Variants in RBPJ observed in about 807,000 individuals in gnomAD.
RBPJ encodes recombination signal binding protein for immunoglobulin kappa J region.
RBPJ carries 9 observed loss-of-function variants against 67.8 expected under a neutral mutation model. The ratio of observed to expected loss-of-function variants is 0.13; its 90% CI spans 0.08 to 0.23. The LOEUF (loss-of-function observed/expected upper bound fraction) is 0.23. RBPJ is among the 10% of genes least tolerant of loss of function. The pLI, the probability that RBPJ is intolerant of heterozygous loss-of-function variation, is 1.00. For synonymous variants in RBPJ, 198 were observed against 203.3 expected (o/e 0.97, Z 0.22); for missense variants, 305 against 595.6 (o/e 0.51, Z 5.08).
rs1400701304 is a variant in RBPJ, at chr4:26,434,667, A to T, written c.*3660A>T. 1 of 152,188 alleles carries T rather than the reference A, an allele frequency of 6.6e-6. No individual in the cohort carries two copies. The highest frequency in any genetic ancestry group is 1.5e-5 in the Non-Finnish European group (1 of 68,032). The allele number at this position is 152,188 out of a possible 1,614,324, so 9.4% of individuals were successfully genotyped here. On this transcript the variant is annotated 3_prime_UTR_variant, in exon 11 of 11. Transcript: ENST00000355476. ...AGCATTCAGTACTGTGTTGGTCCAG[A>T]TGTAGGTTTATATGCTCATTTTTAG... is the stretch of plus-strand genomic sequence containing the variant.
intron 1 of RBPJ, among the ~76,000 whole-genome samples, chr4:26,227,143 C>T (rs1040014672): frequency 6.6e-6 from 1 of 152,170 alleles, no homozygotes; most frequent in Admixed American, 6.5e-5. Flanking sequence ...GGGTTGGATC[C>T]AGCATGATTG....
chr4:26,214,345 AAG>A, intron 1 of RBPJ, among the ~76,000 whole-genome samples: 1 of 134,620 alleles, frequency 7.4e-6, no homozygotes, highest in Non-Finnish European at 1.6e-5. Context: ...AAAGAAAGAA[AAG>A]GAAGAGAAAG....
intron 1 of RBPJ, among the ~76,000 whole-genome samples, chr4:26,219,794 G>C (rs1718839922): frequency 6.7e-6 from 1 of 150,092 alleles, no homozygotes; most frequent in Non-Finnish European, 1.5e-5. Flanking sequence ...GTTTTTTTTT[G>C]AGACGGAGTC....
rs1418530484 is a variant in RBPJ at position 26,264,172 on chromosome 4, G to A, written c.-166-98274G>A. Among the ~76,000 whole-genome samples, 3 of 152,034 alleles carry A rather than the reference G, an allele frequency of 2.0e-5. No individual in the cohort carries two copies. The highest frequency in any genetic ancestry group is 2.9e-5 in the Non-Finnish European group (2 of 67,950). ...TGCTGGGATTACAGGCGTGAGCCAC[G>A]GCGCCTGGCAGACAGATTCATTTGT... On this transcript the variant is annotated intron_variant, in intron 1 of 4. Coordinates refer to the RBPJ transcript ENST00000512351. This position sits in a 1 kb window ranked among gnomAD's most constrained non-coding sequence, Gnocchi z 4.1.
chr4:26,413,876 T>TA (rs993428352), intron 3 of RBPJ, among the ~76,000 whole-genome samples: 7 of 152,098 alleles, frequency 4.6e-5, no homozygotes, highest in Non-Finnish European at 8.8e-5. Flanking sequence ...TTGCCAAATT[T>TA]AAAAAAACAG....
intron 1 of RBPJ, among the ~76,000 whole-genome samples, chr4:26,168,333 G>A (rs1386763241): frequency 6.6e-6 from 1 of 151,954 alleles, no homozygotes; most frequent in Non-Finnish European, 1.5e-5. Context: ...CACTTATGAA[G>A]CTTAGTTTGG....
chr4:26,368,196 A>G (rs1242842698), intron 1 of RBPJ: 1 of 152,210 alleles, frequency 6.6e-6, no homozygotes, highest in African/African-American at 2.4e-5. Context: ...GCAGGCATAC[A>G]TCTTTAGTGG....
intron 1 of RBPJ, among the ~76,000 whole-genome samples, chr4:26,380,909 A>G (rs1227694876): frequency 6.6e-6 from 1 of 151,362 alleles, no homozygotes; most frequent in Non-Finnish European, 1.5e-5. Flanking sequence ...TCACAACCCA[A>G]GGGCAAGTAG....
chr4:26,230,621 T>C (rs1372103617), intron 1 of RBPJ, among the ~76,000 whole-genome samples: 1 of 152,226 alleles, frequency 6.6e-6, no homozygotes, highest in South Asian at 2.1e-4. Context: ...CAGCCTCTAC[T>C]GCCCACACAT....
At chr4:26,244,266 T>TACACATATGTGTATACATATAC (rs1719777988) in intron 1 of RBPJ, among the ~76,000 whole-genome samples, 1 of 147,002 alleles carries the variant, frequency 6.8e-6, no homozygotes, top group Admixed American at 6.7e-5. Flanking sequence ...CACATATGTG[T>TACACATATGTGTATACATATAC]ACACATATAT....
chr4:26,406,570 A>G (rs3109838), intron 3 of RBPJ, among the ~76,000 whole-genome samples: 2 of 152,222 alleles, frequency 1.3e-5, no homozygotes, highest in East Asian at 3.8e-4. Flanking sequence ...GAGAGAGCAC[A>G]CTTGAACAAA....
chr4:26,344,583 G>T (rs184336203), intron 1 of RBPJ, among the ~76,000 whole-genome samples: 8 of 152,286 alleles, frequency 5.3e-5, no homozygotes, highest in Admixed American at 5.2e-4. Flanking sequence ...ACATCACCTG[G>T]AGCTGACCTA....
chr4:26,419,108 A>AGCTG (rs1734875713), intron 4 of RBPJ, among the ~76,000 whole-genome samples: 1 of 152,154 alleles, frequency 6.6e-6, no homozygotes, highest in Non-Finnish European at 1.5e-5. Flanking sequence ...CCTCCTGAGT[A>AGCTG]GCTGGGACTA....
rs1064366 is a variant in RBPJ, at chr4:26,415,577, G to T, written c.258G>T (p.Pro86=). 1.9e-6 allele frequency: 3 copies of T among 1,611,980 alleles called. No individual in the cohort carries two copies. The highest frequency in any genetic ancestry group is 2.2e-5 in the South Asian group (2 of 90,414). ...RDGCSEQESQ[P]CAFIGIGNSD... ...GTTGTTCTGAACAAGAGTCTCAACC[G>T]TGTGCATTTATTGGGATAGGAAATA... Residue 86 remains proline, a synonymous_variant, in exon 4 of 11, where the codon CCG becomes CCT. Coordinates refer to ENST00000355476, the MANE Select transcript of RBPJ (RefSeq NM_015874.6).
chr4:26,320,389 T>TG (rs894912100), upstream of RBPJ, among the ~76,000 whole-genome samples: 23 of 152,102 alleles, frequency 1.5e-4, no homozygotes, highest in South Asian at 1.9e-3. Flanking sequence ...CTCATTAGCA[T>TG]GGGGGGGTGT....
intron 1 of RBPJ, among the ~76,000 whole-genome samples, chr4:26,349,654 T>C (rs1006107257): frequency 6.6e-6 from 1 of 152,208 alleles, no homozygotes; most frequent in Non-Finnish European, 1.5e-5. Context: ...GGGACCTTTT[T>C]GCATAGAGAA....
At chr4:26,327,166 C>G (rs1410638454) in intron 1 of RBPJ, among the ~76,000 whole-genome samples, 1 of 152,074 alleles carries the variant, frequency 6.6e-6, no homozygotes, top group Non-Finnish European at 1.5e-5. Context: ...CTCATTAGAC[C>G]TGCTGCTTAA....
At chr4:26,123,365 A>G in the RBPJ span, among the ~76,000 whole-genome samples, 1 of 152,222 alleles carries the variant, frequency 6.6e-6, no homozygotes, top group Non-Finnish European at 1.5e-5. Context: ...CTTACTATAA[A>G]TGGAGCTTGC....
chr4:26,280,017 T>C (rs1721212666), intron 1 of RBPJ, among the ~76,000 whole-genome samples: 1 of 151,302 alleles, frequency 6.6e-6, no homozygotes, highest in African/African-American at 2.4e-5. Context: ...CAACTCCTGA[T>C]CTTAAGAAAT....
Sources: gnomAD v4.1 joint callset for allele counts (sites outside exome capture counted in the v4.1 genomes callset) on GRCh38, gnomAD v4.1.1 for gene constraint, Gnocchi (gnomAD v3.1) non-coding constraint, MANE v1.5 for transcripts, NCBI Gene and HGNC (gene_info 2026-07-23, HGNC 2026-07-21) for gene names.